Variants in CABP1 observed in about 807,000 individuals in gnomAD.
The protein encoded by CABP1 is calcium binding protein 1.
Under a neutral mutation model 34.3 loss-of-function variants are expected in CABP1, and 17 were observed. That is an observed-to-expected ratio of 0.50 (90% CI 0.34 to 0.74). The LOEUF (loss-of-function observed/expected upper bound fraction) is 0.74. Among genes scored for constraint, CABP1 ranks in the 30% least tolerant of loss-of-function variants. The pLI, the probability that CABP1 is intolerant of heterozygous loss-of-function variation, is 0.01. For missense variants in CABP1, 373 were observed against 511.1 expected (o/e 0.73, Z 2.61); for synonymous variants, 198 against 229.2 (o/e 0.86, Z 1.23).
At chr12:120,643,581 GTC>G (rs1348236040) in intron 1 of CABP1, among the ~76,000 whole-genome samples, 2 of 152,166 alleles carry the variant, frequency 1.3e-5, no homozygotes, top group Non-Finnish European at 2.9e-5. Flanking sequence ...ACCTCATTAA[GTC>G]TATTTCTTTT....
intron 1 of CABP1, among the ~76,000 whole-genome samples, chr12:120,643,195 A>T (rs1879415280): frequency 6.8e-6 from 1 of 147,244 alleles, no homozygotes; most frequent in African/African-American, 2.6e-5. Context: ...GTTCCCATCA[A>T]ATATTTACTA....
chr12:120,655,601 C>T lies in CABP1; in HGVS notation c.655-4277C>T, dbSNP rs1565997824. 9.1e-6 allele frequency: 12 copies of T among 1,323,558 alleles called. No homozygotes were observed. The South Asian group carries it at 1.8e-4, about 20-fold the overall frequency. The allele number at this position is 1,323,558 out of a possible 1,614,324, so 82.0% of individuals were successfully genotyped here. A position where few individuals can be genotyped will look rare whatever the true frequency, so the allele number is the denominator to read the frequency against. ...TCCGATTGCCCTCACTGCCTTCCAG[C>T]GGGGATCTGGCTGGAGTAGGACAAG... On this transcript the variant is annotated intron_variant, in intron 1 of 5. Transcript: ENST00000316803.
At chr12:120,677,793 G>A in the CABP1 span, among the ~76,000 whole-genome samples, 1 of 152,208 alleles carries the variant, frequency 6.6e-6, no homozygotes, top group African/African-American at 2.4e-5. Context: ...CCAAGGTGCA[G>A]AAGGGAAATG....
chr12:120,643,779 G>A (rs1168011943), intron 1 of CABP1, among the ~76,000 whole-genome samples: 2 of 152,196 alleles, frequency 1.3e-5, no homozygotes, highest in African/African-American at 4.8e-5. Flanking sequence ...GTGCTTGGGA[G>A]ATTAAATGAG....
At chr12:120,642,435 A>G (rs1179843863) in intron 1 of CABP1, among the ~76,000 whole-genome samples, 2 of 152,200 alleles carry the variant, frequency 1.3e-5, no homozygotes, top group Non-Finnish European at 2.9e-5. Context: ...TTTTCAAAAT[A>G]CTACTCGGCA....
the CABP1 span, among the ~76,000 whole-genome samples, chr12:120,676,690 G>A: frequency 6.6e-6 from 1 of 152,046 alleles, no homozygotes; most frequent in Non-Finnish European, 1.5e-5. Context: ...GCCTCCCAAA[G>A]TGTTGGGATT....
At chr12:120,648,699 G>T (rs1291900138) in intron 1 of CABP1, among the ~76,000 whole-genome samples, 1 of 151,900 alleles carries the variant, frequency 6.6e-6, no homozygotes, top group South Asian at 2.1e-4. Flanking sequence ...TGTTCAACAT[G>T]GTGAAACCCC....
At position 120,660,760 on chromosome 12, in the gene CABP1, G is replaced by C; in HGVS notation, c.859G>C (p.Val287Leu). The change falls in exon 4 of 6, where the codon GTG (valine) becomes CTG (leucine). Residue 287 changes from valine to leucine, a missense_variant. Physicochemically the swap from Val to Leu is conservative, Grantham distance 32. Around this residue, in one of 4 missense-constraint regions of CABP1, gnomAD observed 109 missense variants for 204.8 expected, o/e 0.53. Transcript: ENST00000316803. The surrounding 1 kb of genome is among the most constrained non-coding windows in gnomAD (Gnocchi z 5.0). ...LGGHVDFDDF[V>L]ELMGPKLLAE... Reference sequence around the variant, plus strand: ...TGGCCATGTAGATTTTGATGACTTCGTGGAGCTAATGGGGCCTAAACTCCT... The same window carrying C: ...TGGCCATGTAGATTTTGATGACTTCCTGGAGCTAATGGGGCCTAAACTCCT... 2 of 1,613,828 alleles carry C rather than the reference G, an allele frequency of 1.2e-6. No homozygotes were observed. The highest frequency in any genetic ancestry group is 1.7e-6 in the Non-Finnish European group (2 of 1,179,756).
intron 1 of CABP1, among the ~76,000 whole-genome samples, chr12:120,657,276 C>T (rs7956685): frequency 0.05 from 7,632 of 152,208 alleles, 476 homozygotes; most frequent in African/African-American, 0.15. Flanking sequence ...GAGGAGAGGA[C>T]TAATGAGGAT....
At chr12:120,678,309 T>C in the CABP1 span, among the ~76,000 whole-genome samples, 2 of 152,154 alleles carry the variant, frequency 1.3e-5, no homozygotes, top group Non-Finnish European at 2.9e-5. Context: ...CCCTTTTCAG[T>C]TTTATGGGTC....
chr12:120,640,720 CG>C lies in CABP1; in HGVS notation c.40del (p.Asp14ThrfsTer45). The part of the protein sequence containing the change: ...GGGDGAAFKR[P>X]GDGARLQRVL... ...GGCGACGGGGCCGCATTTAAGCGGCCGGGGGACGGCGCCCGCCTCCAGCGCG... is the reference window on the plus strand; with the variant it reads ...GGCGACGGGGCCGCATTTAAGCGGCCGGGGACGGCGCCCGCCTCCAGCGCG... On this transcript the variant is annotated frameshift_variant, in exon 1 of 6. Transcript: ENST00000316803. LOFTEE classifies it high-confidence loss of function. This position sits in a 1 kb window ranked among gnomAD's most constrained non-coding sequence, Gnocchi z 6.2. 2 of 1,175,728 alleles carry C rather than the reference CG, an allele frequency of 1.7e-6. No homozygotes were observed. Among genetic ancestry groups the C allele is most frequent in the Non-Finnish European group, 1.1e-6 (1 of 952,334 alleles). The allele number at this position is 1,175,728 out of a possible 1,614,324, so 72.8% of individuals were successfully genotyped here. A position where few individuals can be genotyped will look rare whatever the true frequency, so the allele number is the denominator to read the frequency against.
the CABP1 span, among the ~76,000 whole-genome samples, chr12:120,676,295 G>A: frequency 6.6e-6 from 1 of 152,224 alleles, no homozygotes; most frequent in Non-Finnish European, 1.5e-5. Flanking sequence ...CTCTTGTCTG[G>A]AGGGGCAGCT....
In CABP1 at chr12:120,666,962, C is replaced by T. The variant is rs2137379745; in HGVS notation, c.*62C>T. ...AAGGCGGGGCTAAGAGGAGCTAGAG[C>T]TTGCCTCACCCGCTGTAGCCGCCGA... On this transcript the variant is annotated 3_prime_UTR_variant, in exon 6 of 6. Transcript: ENST00000316803. 6.4e-7 allele frequency: 1 copy of T among 1,552,458 alleles called. No homozygotes were observed. Among genetic ancestry groups the T allele is most frequent in the East Asian group, 2.3e-5 (1 of 42,944 alleles).
chr12:120,668,664 C>A (rs745682247), downstream of CABP1, among the ~76,000 whole-genome samples: 4 of 152,200 alleles, frequency 2.6e-5, no homozygotes, highest in African/African-American at 7.2e-5. Context: ...CACCACACGG[C>A]ACACCCCAGG....
intron 1 of CABP1, among the ~76,000 whole-genome samples, chr12:120,653,870 C>T (rs1358115264): frequency 6.6e-6 from 1 of 152,186 alleles, no homozygotes; most frequent in Non-Finnish European, 1.5e-5. Context: ...TACCTCCCTG[C>T]CTTCCTGGGT....
intron 1 of CABP1, among the ~76,000 whole-genome samples, chr12:120,658,345 G>C (rs541988085): frequency 6.6e-6 from 1 of 151,980 alleles, no homozygotes; most frequent in Admixed American, 6.6e-5. Flanking sequence ...TGATCCCCTC[G>C]CCTTGGCCTC....
At chr12:120,674,718 T>A in the CABP1 span, among the ~76,000 whole-genome samples, 1 of 151,978 alleles carries the variant, frequency 6.6e-6, no homozygotes, top group African/African-American at 2.4e-5. Context: ...TGAAACCCCG[T>A]CTCTACTAAA....
At chr12:120,672,759 G>A in the CABP1 span, among the ~76,000 whole-genome samples, 2 of 150,792 alleles carry the variant, frequency 1.3e-5, no homozygotes, top group Non-Finnish European at 1.5e-5. Flanking sequence ...GCTGGGCGCA[G>A]TGGCTCACGT....
chr12:120,645,701 C>T (rs1429186253), intron 1 of CABP1, among the ~76,000 whole-genome samples: 6 of 152,020 alleles, frequency 3.9e-5, no homozygotes, highest in African/African-American at 1.5e-4. Context: ...TGGTGGTGGG[C>T]GCCTGTAACC....
Sources: gnomAD v4.1 joint callset for allele counts (sites outside exome capture counted in the v4.1 genomes callset) on GRCh38, gnomAD v4.1.1 for gene constraint, gnomAD v4.1.1 regional missense constraint, Gnocchi (gnomAD v3.1) non-coding constraint, MANE v1.5 for transcripts, NCBI Gene and HGNC (gene_info 2026-07-23, HGNC 2026-07-21) for gene names.